The following RASSF3 variants were observed in gnomAD, a reference collection of about 807,000 sequenced individuals.
The protein encoded by RASSF3 is Ras association domain family member 3.
In RASSF3, 19 loss-of-function variants were observed where a neutral mutation model predicts 19.9. That is an observed-to-expected ratio of 0.96 (90% CI 0.67 to 1.40). RASSF3 has a LOEUF of 1.40. Among genes scored for constraint, RASSF3 ranks in the 40% most tolerant of loss-of-function variants. RASSF3 has a pLI of 0.00. For synonymous variants in RASSF3, 110 were observed against 104.2 expected, an observed-to-expected ratio of 1.06 and a Z score of -0.34; for missense variants, 306 against 289.8, an observed-to-expected ratio of 1.06 and a Z score of -0.41.
intron 1 of RASSF3, among the ~76,000 whole-genome samples, chr12:64,661,482 C>CT (rs1872355159): frequency 6.6e-6 from 1 of 151,714 alleles, no homozygotes; most frequent in East Asian, 1.9e-4. Context: ...GACCCTGTCT[C>CT]TAAAAAAAAG....
At chr12:64,613,057 G>A (rs139344765) in intron 1 of RASSF3, among the ~76,000 whole-genome samples, 15 of 152,232 alleles carry the variant, frequency 9.9e-5, no homozygotes, top group African/African-American at 3.4e-4. Context: ...TCTAAACTAC[G>A]AATTTTAGTG....
chr12:64,517,494 A>G (rs1868388445), intron 1 of RASSF3, among the ~76,000 whole-genome samples: 1 of 152,198 alleles, frequency 6.6e-6, no homozygotes, highest in African/African-American at 2.4e-5. Context: ...AATGAAATAG[A>G]CCTGGAGTTA....
intron 2 of RASSF3, among the ~76,000 whole-genome samples, chr12:64,559,313 G>C (rs1439219247): frequency 6.7e-6 from 1 of 149,664 alleles, no homozygotes; most frequent in Non-Finnish European, 1.5e-5. Context: ...GCGCGATCTC[G>C]GTTCACTGCA....
chr12:64,660,927 G>A (rs925803094), intron 1 of RASSF3, among the ~76,000 whole-genome samples: 14 of 152,106 alleles, frequency 9.2e-5, no homozygotes, highest in Non-Finnish European at 1.6e-4. Context: ...TGGAGCACAC[G>A]AGCTTTCCTC....
intron 2 of RASSF3, among the ~76,000 whole-genome samples, chr12:64,568,332 C>T (rs942150510): frequency 6.6e-6 from 1 of 152,028 alleles, no homozygotes; most frequent in African/African-American, 2.4e-5. Context: ...CATGCCTGGC[C>T]GCTTGTTTGG....
In RASSF3 at chr12:64,552,202, G is replaced by A. The variant is rs192761234; in HGVS notation, c.294+10497G>A. Among the ~76,000 whole-genome samples, 391 of 152,194 alleles carry A rather than the reference G, an allele frequency of 2.6e-3. 3 individuals carry two copies. The highest frequency in any genetic ancestry group is 8.7e-3 in the African/African-American group (362 of 41,516). On this transcript the variant is annotated intron_variant, in intron 2 of 5. Coordinates refer to the RASSF3 transcript ENST00000637125. ...GGGCGCTTGGCTAGAAAGGGAAGGA[G>A]GAAAGAGAGAAAGGAAAGGGTAGAG...
intron 2 of RASSF3, among the ~76,000 whole-genome samples, chr12:64,563,313 C>G (rs1405180039): frequency 1.3e-5 from 2 of 151,846 alleles, no homozygotes; most frequent in African/African-American, 2.4e-5. Flanking sequence ...ATTACAGGCA[C>G]CTGCCACCAG....
chr12:64,642,320 G>A (rs12823055), intron 1 of RASSF3, among the ~76,000 whole-genome samples: 1 of 151,838 alleles, frequency 6.6e-6, no homozygotes, highest in Non-Finnish European at 1.5e-5. Context: ...AGCACTTTGG[G>A]AGGCCGAGGC....
intron 1 of RASSF3, among the ~76,000 whole-genome samples, chr12:64,509,010 A>G (rs1025760183): frequency 6.7e-6 from 1 of 150,340 alleles, no homozygotes; most frequent in African/African-American, 2.5e-5. Context: ...TTTCATTCTC[A>G]CTGTCAAAAT....
intron 1 of RASSF3, among the ~76,000 whole-genome samples, chr12:64,624,867 C>G (rs978067237): frequency 3.3e-5 from 5 of 150,114 alleles, no homozygotes; most frequent in Non-Finnish European, 7.4e-5. Flanking sequence ...TGGGGTTTGA[C>G]TGTGTTAGCC....
chr12:64,548,369 T>C (rs1270805982), intron 2 of RASSF3, among the ~76,000 whole-genome samples: 1 of 151,964 alleles, frequency 6.6e-6, no homozygotes, highest in Non-Finnish European at 1.5e-5. Flanking sequence ...TTTATTTTTT[T>C]TGTAGAGAAG....
Position 64,597,056 on chromosome 12 carries a change from C to T in RASSF3, c.294+55351C>T, listed in dbSNP as rs574312487. On this transcript the variant is annotated intron_variant, in intron 2 of 5. Transcript: ENST00000637125. ...TGCTAGGATTACAGGCGTGAGCCAC[C>T]GCACCCAGCCTCAGTGTATTTTTTT... Among the ~76,000 whole-genome samples, 358 of 152,184 alleles carry T rather than the reference C, an allele frequency of 2.4e-3. 1 individual carries two copies. Among genetic ancestry groups the T allele is most frequent in the African/African-American group, 8.3e-3 (343 of 41,522 alleles).
At chr12:64,551,158 G>A (rs758104647) in intron 2 of RASSF3, among the ~76,000 whole-genome samples, 107 of 152,154 alleles carry the variant, frequency 7.0e-4, no homozygotes, top group Non-Finnish European at 9.6e-4. Context: ...TACCAGACAT[G>A]TACAAAGTAC....
chr12:64,649,059 T>C (rs765419189), intron 1 of RASSF3, among the ~76,000 whole-genome samples: 2 of 152,008 alleles, frequency 1.3e-5, no homozygotes, highest in Non-Finnish European at 2.9e-5. Flanking sequence ...TCCTCCTGCC[T>C]TGGCCTCTCA....
At chr12:64,643,729 T>A (rs887317899) in intron 1 of RASSF3, among the ~76,000 whole-genome samples, 14 of 152,172 alleles carry the variant, frequency 9.2e-5, no homozygotes, top group African/African-American at 3.4e-4. Context: ...GTTTTATAAC[T>A]GAAAAAAATG....
intron 2 of RASSF3, among the ~76,000 whole-genome samples, chr12:64,604,541 C>G (rs897936212): frequency 1.3e-5 from 2 of 152,176 alleles, no homozygotes; most frequent in Admixed American, 1.3e-4. Context: ...GTGATAGTTG[C>G]AGCCAATAGG....
chr12:64,654,315 C>A (rs1183017599), intron 1 of RASSF3: 1 of 151,974 alleles, frequency 6.6e-6, no homozygotes, highest in Admixed American at 6.6e-5. Flanking sequence ...CCACCACGCC[C>A]AGCTAATTTT....
At chr12:64,610,307 G>A (rs1380009832), upstream of RASSF3, among the ~76,000 whole-genome samples, 3 of 151,454 alleles carry the variant, frequency 2.0e-5, no homozygotes, top group Non-Finnish European at 4.4e-5. Context: ...AGAAACCCGC[G>A]CGCCTGGAAG....
At chr12:64,580,671 G>A (rs144271725) in intron 2 of RASSF3, among the ~76,000 whole-genome samples, 1 of 151,652 alleles carries the variant, frequency 6.6e-6, no homozygotes, top group African/African-American at 2.4e-5. Flanking sequence ...CCAAATCAAG[G>A]TGTCAATAAG....
Sources: gnomAD v4.1 joint callset for allele counts (sites outside exome capture counted in the v4.1 genomes callset) on GRCh38, gnomAD v4.1.1 for gene constraint, MANE v1.5 for transcripts, NCBI Gene and HGNC (gene_info 2026-07-23, HGNC 2026-07-21) for gene names.